Variants in GCSAML observed in about 807,000 individuals in gnomAD.
The protein encoded by GCSAML is germinal center associated signaling and motility like.
In GCSAML, 9 loss-of-function variants were observed where a neutral mutation model predicts 13.0. That is an observed-to-expected ratio of 0.69 (90% CI 0.42 to 1.21). The LOEUF (loss-of-function observed/expected upper bound fraction) is 1.21. Among genes scored for constraint, GCSAML ranks in the 50% most tolerant of loss-of-function variants. The pLI is 0.00. For missense variants in GCSAML, 143 were observed against 153.4 expected (o/e 0.93, Z 0.36); for synonymous variants, 37 against 52.9 (o/e 0.70, Z 1.31).
chr1:247,508,495 G>A (rs925222475), intron 1 of GCSAML, among the ~76,000 whole-genome samples: 3 of 152,108 alleles, frequency 2.0e-5, no homozygotes, highest in African/African-American at 7.2e-5. Flanking sequence ...CTTTTGCTGT[G>A]CAGAAACTCT....
chr1:247,529,367 A>C (rs1411010115), intron 2 of GCSAML: 1 of 152,192 alleles, frequency 6.6e-6, no homozygotes, highest in Non-Finnish European at 1.5e-5. Flanking sequence ...CAATATTCAG[A>C]AGCAGTGGGC....
chr1:247,534,454 G>A (rs1255035715), intron 2 of GCSAML, among the ~76,000 whole-genome samples: 7 of 152,294 alleles, frequency 4.6e-5, no homozygotes. Flanking sequence ...TCTTGGAACT[G>A]CCAGAGTCAT....
chr1:247,556,880 T>G (rs768879191), intron 2 of GCSAML, among the ~76,000 whole-genome samples: 1 of 152,176 alleles, frequency 6.6e-6, no homozygotes, highest in Non-Finnish European at 1.5e-5. Context: ...AAATGCAAAC[T>G]CTTCACCAGG....
intron 4 of GCSAML, among the ~76,000 whole-genome samples, chr1:247,572,459 C>G (rs113335219): frequency 0.015 from 2,258 of 152,288 alleles, 59 homozygotes; most frequent in African/African-American, 0.052. Flanking sequence ...CAACCAGGCC[C>G]GTATTCTGCA....
chr1:247,552,903 G>A (rs1667826696), intron 1 of GCSAML, among the ~76,000 whole-genome samples: 2 of 152,008 alleles, frequency 1.3e-5, no homozygotes, highest in Admixed American at 6.5e-5. Context: ...CTACAGGCAC[G>A]CACCACCATG....
chr1:247,519,106 G>T (rs1666328868), intron 1 of GCSAML: 1 of 152,504 alleles, frequency 6.6e-6, no homozygotes, highest in Non-Finnish European at 1.5e-5. Flanking sequence ...AAGCGGCAGG[G>T]ATGTGAATGT....
chr1:247,548,476 C>T (rs1174530851), upstream of GCSAML, among the ~76,000 whole-genome samples: 1 of 138,020 alleles, frequency 7.2e-6, no homozygotes. The surrounding 1 kb of genome is among the most constrained non-coding windows in gnomAD (Gnocchi z 5.3). Context: ...TTTTGATAAC[C>T]TTCTATTCTC....
chr1:247,560,416 A>C (rs1165666369), intron 2 of GCSAML, among the ~76,000 whole-genome samples: 1 of 152,068 alleles, frequency 6.6e-6, no homozygotes, highest in Non-Finnish European at 1.5e-5. Flanking sequence ...TTCTCCTCAC[A>C]ACTTAGTGAA....
intron 1 of GCSAML, among the ~76,000 whole-genome samples, chr1:247,553,731 G>C (rs901699462): frequency 3.0e-4 from 46 of 152,224 alleles, no homozygotes; most frequent in African/African-American, 1.1e-3. Flanking sequence ...CTCCCAAGGA[G>C]CTGGGATTAC....
At chr1:247,566,164 C>T (rs1473524801) in intron 4 of GCSAML, among the ~76,000 whole-genome samples, 1 of 152,040 alleles carries the variant, frequency 6.6e-6, no homozygotes, top group Admixed American at 6.6e-5. Context: ...AAATAAAAAA[C>T]CAAAAAGTAT....
At chr1:247,516,153 A>C (rs1307080323) in intron 1 of GCSAML, among the ~76,000 whole-genome samples, 1 of 152,208 alleles carries the variant, frequency 6.6e-6, no homozygotes, top group Non-Finnish European at 1.5e-5. Flanking sequence ...TACAGTAAGA[A>C]CACTCATGTC....
chr1:247,561,675 TG>T (rs1204487112), intron 2 of GCSAML, among the ~76,000 whole-genome samples: 2 of 152,146 alleles, frequency 1.3e-5, no homozygotes, highest in Non-Finnish European at 2.9e-5. Flanking sequence ...ATAATAAACA[TG>T]TTATTTTTCT....
At chr1:247,556,297 C>A in intron 1 of GCSAML, 110 bp from the exon 2 acceptor site, 1 of 749,376 alleles carries the variant, frequency 1.3e-6, no homozygotes, top group Middle Eastern at 2.5e-4. Flanking sequence ...GGAAGTTTGT[C>A]AAAAAGAAAA....
intron 1 of GCSAML, among the ~76,000 whole-genome samples, chr1:247,522,841 C>A (rs1666503675): frequency 6.6e-6 from 1 of 151,756 alleles, no homozygotes; most frequent in African/African-American, 2.4e-5. Context: ...ATCTGCTGAC[C>A]TTCCCTCCAC....
At chr1:247,537,217 A>T (rs1216437050) in intron 2 of GCSAML, among the ~76,000 whole-genome samples, 1 of 152,170 alleles carries the variant, frequency 6.6e-6, no homozygotes. Context: ...AAATGGACTT[A>T]TATCATACAT....
intron 1 of GCSAML, among the ~76,000 whole-genome samples, chr1:247,523,220 G>A (rs1045835141): frequency 6.6e-6 from 1 of 152,144 alleles, no homozygotes; most frequent in African/African-American, 2.4e-5. Flanking sequence ...TTACAGCAGC[G>A]TAATAATCAA....
chr1:247,566,067 C>T, intron 4 of GCSAML, 108 bp downstream of exon 4: 2 of 675,954 alleles, frequency 3.0e-6, no homozygotes, highest in Non-Finnish European at 2.4e-6. Context: ...CATCTGTCTT[C>T]CTTTATTTGT....
chr1:247,517,506 A>C (rs1030988237), intron 1 of GCSAML, among the ~76,000 whole-genome samples: 3 of 152,236 alleles, frequency 2.0e-5, no homozygotes, highest in Non-Finnish European at 4.4e-5. Context: ...AGTAGCAGAG[A>C]AATTGGTTCA....
At chr1:247,524,942 C>G (rs1429947075) in intron 1 of GCSAML, 3 of 152,046 alleles carry the variant, frequency 2.0e-5, no homozygotes, top group African/African-American at 7.2e-5. Context: ...GATGTTAAAC[C>G]TCACTAATGA....
Sources: allele counts gnomAD v4.1 joint callset (sites outside exome capture counted in the v4.1 genomes callset), GRCh38; gene constraint gnomAD v4.1.1; non-coding constraint Gnocchi (gnomAD v3.1); transcripts MANE v1.5; gene names NCBI Gene and HGNC (gene_info 2026-07-23, HGNC 2026-07-21).